The following MED12L variants were observed in gnomAD, a reference collection of about 807,000 sequenced individuals.
MED12L encodes mediator of RNA polymerase II transcription subunit 12-like protein.
In MED12L, 60 loss-of-function variants were observed where a neutral mutation model predicts 281.3. The ratio of observed to expected loss-of-function variants is 0.21; its 90% CI spans 0.17 to 0.26. The LOEUF (loss-of-function observed/expected upper bound fraction) is 0.26. Ranked by LOEUF, MED12L falls within the 10% of genes least tolerant of loss-of-function variation. MED12L has a pLI of 1.00. For synonymous variants in MED12L, 974 were observed against 987.2 expected (o/e 0.99, Z 0.25); for missense variants, 2,146 against 2,680.9 (o/e 0.80, Z 4.41).
intron 16 of MED12L, among the ~76,000 whole-genome samples, chr3:151,310,692 T>G (rs1417728897): frequency 6.6e-6 from 1 of 152,240 alleles, no homozygotes; most frequent in Non-Finnish European, 1.5e-5. Context: ...CCCACCATTC[T>G]TTTTCCCAGG....
intron 16 of MED12L, chr3:151,270,109 AAG>A (rs1740611083): frequency 8.4e-6 from 2 of 238,880 alleles, no homozygotes; most frequent in African/African-American, 2.4e-5. Flanking sequence ...GGAGGAAAGA[AAG>A]GGGGTGAAGG....
At position 151,227,040 on chromosome 3, in the gene MED12L, C is replaced by G. The variant is rs1316299790; in HGVS notation, c.2250+33374C>G. ...CTGTTTGTCACCTTCAGCCAGTTTT[C>G]TCTGGCAGGAGATGTGAGCTCAAGA... On this transcript the variant is annotated intron_variant, in intron 16 of 44. Coordinates refer to ENST00000687756, the MANE Select transcript of MED12L (RefSeq NM_001393769.1). 3.9e-5 allele frequency among the ~76,000 whole-genome samples: 6 copies of G among 152,184 alleles called. No homozygotes were observed. The East Asian group carries it at 7.7e-4, about 20-fold the overall frequency.
At chr3:151,427,942 C>T (rs1342576632) in intron 43 of MED12L, among the ~76,000 whole-genome samples, 1 of 152,206 alleles carries the variant, frequency 6.6e-6, no homozygotes, top group Non-Finnish European at 1.5e-5. Context: ...GCAGTCTTAA[C>T]CAGTCAGAAG....
chr3:151,377,165 A>G lies in MED12L; in HGVS notation c.4303A>G (p.Lys1435Glu). ...DTSSTRQNGIKTFLSSSERRG... is the reference protein window; with the variant it reads ...DTSSTRQNGIETFLSSSERRG... ...AAGTAGCACGAGACAGAATGGAATA[A>G]AGACATTCCTAAGGTATTTTTGTCT... The change falls in exon 30 of 45, where the codon AAG becomes GAG. Residue 1435 changes from lysine (K) to glutamate (E), a missense_variant. This residue lies in a region of MED12L where 235 missense variants were observed against 260.3 expected (regional missense o/e 0.90). Coordinates refer to ENST00000687756, the MANE Select transcript of MED12L (RefSeq NM_001393769.1). 6.2e-7 allele frequency: 1 copy of G among 1,609,214 alleles called. No individual in the cohort carries two copies. The highest frequency in any genetic ancestry group is 8.5e-7 in the Non-Finnish European group (1 of 1,178,622).
In MED12L at chr3:151,205,197, C is replaced by T. The variant is rs572682565; in HGVS notation, c.2250+11531C>T. ...GTGTTTGTGACTGTACTTAGTGTTCCGGGAAGTTGCATGTCATCACTAATA... is the reference window on the plus strand; with the variant it reads ...GTGTTTGTGACTGTACTTAGTGTTCTGGGAAGTTGCATGTCATCACTAATA... On this transcript the variant is annotated intron_variant, in intron 16 of 44. Transcript: ENST00000687756. Among the ~76,000 whole-genome samples, 9 of 152,174 alleles carry T rather than the reference C, an allele frequency of 5.9e-5. No individual in the cohort carries two copies. The Middle Eastern group carries it at 0.01, about 173-fold the overall frequency.
chr3:151,203,449 T>A (rs528619149), intron 16 of MED12L, among the ~76,000 whole-genome samples: 9 of 151,996 alleles, frequency 5.9e-5, no homozygotes, highest in Non-Finnish European at 1.3e-4. Context: ...ATGTTTTGTG[T>A]CATAATGATT....
intron 11 of MED12L, among the ~76,000 whole-genome samples, chr3:151,174,116 G>A (rs558938810): frequency 6.6e-6 from 1 of 152,304 alleles, no homozygotes; most frequent in East Asian, 1.9e-4. Flanking sequence ...AATCTGAAGT[G>A]TGAAATACTC....
At chr3:151,192,148 A>G (rs983804211) in intron 14 of MED12L, among the ~76,000 whole-genome samples, 3 of 152,182 alleles carry the variant, frequency 2.0e-5, no homozygotes, top group African/African-American at 7.2e-5. Flanking sequence ...TTACCTGTTT[A>G]CATGTTTTCT....
intron 17 of MED12L, among the ~76,000 whole-genome samples, chr3:151,353,895 A>C (rs1315161822): frequency 6.6e-6 from 1 of 151,952 alleles, no homozygotes; most frequent in Non-Finnish European, 1.5e-5. Flanking sequence ...TAATCCCAGC[A>C]CTTTGGGAGG....
chr3:151,423,486 G>A, intron 43 of MED12L, among the ~76,000 whole-genome samples: 1 of 152,104 alleles, frequency 6.6e-6, no homozygotes, highest in East Asian at 1.9e-4. Context: ...ATTAAATCTG[G>A]TCTGGACTTA....
At chr3:151,269,180 C>A (rs1740394753) in intron 16 of MED12L, among the ~76,000 whole-genome samples, 1 of 152,122 alleles carries the variant, frequency 6.6e-6, no homozygotes, top group South Asian at 2.1e-4. Flanking sequence ...GTGGGTGGAT[C>A]ACCTGAGGTC....
intron 16 of MED12L, chr3:151,329,603 T>G (rs1750121327): frequency 2.8e-6 from 3 of 1,058,268 alleles, no homozygotes; most frequent in Admixed American, 2.2e-5. Context: ...TTATTTTTAC[T>G]TATGTAATGT....
At chr3:151,387,663 A>T (rs1713617426) in intron 36 of MED12L, 147 bp from the exon 37 acceptor site, 3 of 831,162 alleles carry the variant, frequency 3.6e-6, no homozygotes, top group African/African-American at 1.7e-5. Flanking sequence ...CCGGTGATGT[A>T]GCTGTGTAAC....
At chr3:151,242,244 G>A (rs6440729) in intron 16 of MED12L, among the ~76,000 whole-genome samples, 95 of 152,334 alleles carry the variant, frequency 6.2e-4, no homozygotes, top group Admixed American at 1.0e-3. Context: ...CAAAGCAGCC[G>A]GGAAGCTCAA....
chr3:151,184,179 G>A (rs1476103095), intron 11 of MED12L, among the ~76,000 whole-genome samples: 1 of 152,158 alleles, frequency 6.6e-6, no homozygotes, highest in Non-Finnish European at 1.5e-5. Flanking sequence ...AAAATTTAGG[G>A]TATGATGAAT....
chr3:151,425,632 T>TGG (rs1718794606), intron 43 of MED12L: 1 of 456,414 alleles, frequency 2.2e-6, no homozygotes, highest in Non-Finnish European at 4.4e-6. Context: ...GAAGTGGTTA[T>TGG]ACCATGTTGA....
intron 16 of MED12L, among the ~76,000 whole-genome samples, chr3:151,311,522 T>A (rs756109204): frequency 2.0e-4 from 30 of 152,196 alleles, no homozygotes; most frequent in Non-Finnish European, 3.8e-4. Flanking sequence ...TAATTTGTTT[T>A]GCTATATATA....
At position 151,151,970 on chromosome 3, in the gene MED12L, A is replaced by G. The variant is rs1260934126; in HGVS notation, c.557-4191A>G. ...AAAGCACTGTAAACATGGGAGAGAA[A>G]GCAACTGGAGCTAGCATGGTGGTGA... On this transcript the variant is annotated intron_variant, in intron 5 of 44. Transcript: ENST00000687756. Among the ~76,000 whole-genome samples the G allele has an allele frequency of 7.9e-5, 12 of 152,162 alleles. No individual in the cohort carries two copies. The South Asian group carries it at 2.5e-3, about 32-fold the overall frequency.
chr3:151,419,611 C>CCAA (rs1400153142), intron 43 of MED12L, among the ~76,000 whole-genome samples: 1 of 152,190 alleles, frequency 6.6e-6, no homozygotes, highest in East Asian at 1.9e-4. Flanking sequence ...ATCAAGTTGA[C>CCAA]ACTCAGTATT....
Sources: gnomAD v4.1 joint callset for allele counts (sites outside exome capture counted in the v4.1 genomes callset) on GRCh38, gnomAD v4.1.1 for gene constraint, gnomAD v4.1.1 regional missense constraint, MANE v1.5 for transcripts, NCBI Gene and HGNC (gene_info 2026-07-23, HGNC 2026-07-21) for gene names.